The following PDE4D variants were observed in gnomAD, a reference collection of about 807,000 sequenced individuals.
PDE4D encodes the protein 3',5'-cyclic-AMP phosphodiesterase 4D.
PDE4D carries 24 observed loss-of-function variants against 87.4 expected under a neutral mutation model. That is an observed-to-expected ratio of 0.27 (90% CI 0.20 to 0.39). PDE4D has a LOEUF of 0.39. Ranked by LOEUF, PDE4D falls within the 10% of genes least tolerant of loss-of-function variation. PDE4D has a pLI of 1.00. For missense variants in PDE4D, 714 were observed against 1,041.0 expected, an observed-to-expected ratio of 0.69 and a Z score of 4.32; for synonymous variants, 384 against 383.2, an observed-to-expected ratio of 1.00 and a Z score of -0.02.
intron 5 of PDE4D, among the ~76,000 whole-genome samples, chr5:59,102,912 A>G (rs748051543): frequency 6.6e-6 from 1 of 152,208 alleles, no homozygotes; most frequent in Non-Finnish European, 1.5e-5. Flanking sequence ...TAACAGCCGA[A>G]TGTTAAGACT....
chr5:59,266,011 A>T (rs1762797767), intron 1 of PDE4D, among the ~76,000 whole-genome samples: 1 of 152,134 alleles, frequency 6.6e-6, no homozygotes, highest in South Asian at 2.1e-4. Context: ...ATAGCTCAAT[A>T]CAAATTATAA....
In PDE4D at chr5:58,988,602, C is replaced by T. The variant is rs1001417564; in HGVS notation, c.1453-10G>A. ...AATCTGTAAACACAGCCTGGAAAAT[C>T]AGACAATATAGATAATATTACTATT... On this transcript the variant is annotated splice_polypyrimidine_tract_variant and intron_variant, in intron 10 of 14. Transcript: ENST00000340635. The T allele has an allele frequency of 5.2e-6, 7 of 1,346,990 alleles. No homozygotes were observed. The African/African-American group carries it at 5.8e-5, about 11-fold the overall frequency. 83.4% of individuals were successfully genotyped at this position (1,346,990 alleles called of 1,614,324 possible).
intron 1 of PDE4D, among the ~76,000 whole-genome samples, chr5:60,336,235 A>C (rs28633417): frequency 6.6e-6 from 1 of 152,192 alleles, no homozygotes; most frequent in South Asian, 2.1e-4. Context: ...AGAAGAACCC[A>C]CTTGGAAGTT....
chr5:59,146,968 C>T (rs530766391), intron 5 of PDE4D, among the ~76,000 whole-genome samples: 17 of 152,246 alleles, frequency 1.1e-4, no homozygotes, highest in Admixed American at 5.9e-4. Flanking sequence ...AGCAGGCAAG[C>T]GAGCATTACC....
At chr5:59,180,223 T>C (rs1224869815) in intron 5 of PDE4D, 1 of 372,242 alleles carries the variant, frequency 2.7e-6, no homozygotes, top group Non-Finnish European at 5.2e-6. Flanking sequence ...ATGCCTTCAC[T>C]CTTATTAAAC....
At chr5:59,984,495 T>A (rs546014624) in intron 3 of PDE4D, among the ~76,000 whole-genome samples, 18 of 152,296 alleles carry the variant, frequency 1.2e-4, no homozygotes, top group Admixed American at 3.9e-4. Flanking sequence ...GTTTGCTAAA[T>A]CACAGCATAC....
intron 1 of PDE4D, among the ~76,000 whole-genome samples, chr5:59,532,327 G>C (rs1177564545): frequency 6.6e-6 from 1 of 152,008 alleles, no homozygotes; most frequent in South Asian, 2.1e-4. Flanking sequence ...TAGTAGAGAT[G>C]GGTTTTCACC....
chr5:60,099,920 A>G (rs1387956115), intron 2 of PDE4D, among the ~76,000 whole-genome samples: 1 of 152,146 alleles, frequency 6.6e-6, no homozygotes, highest in Admixed American at 6.6e-5. Context: ...GAAATGAGAA[A>G]TGATGTTAGT....
chr5:60,244,614 G>A (rs1747505353), intron 1 of PDE4D, among the ~76,000 whole-genome samples: 1 of 151,820 alleles, frequency 6.6e-6, no homozygotes. Context: ...ATAGACCAGT[G>A]GAATAGAATA....
At chr5:58,983,796 T>G (rs186921298) in intron 11 of PDE4D, among the ~76,000 whole-genome samples, 125 of 152,318 alleles carry the variant, frequency 8.2e-4, no homozygotes, top group Middle Eastern at 3.4e-3. Flanking sequence ...TTTGTGACAC[T>G]CTCTTGTTCT....
chr5:60,463,936 T>C lies in PDE4D; in HGVS notation c.-90+24006A>G, dbSNP rs564049281. Among the ~76,000 whole-genome samples, 7 of 152,296 alleles carry C rather than the reference T, an allele frequency of 4.6e-5. No individual in the cohort carries two copies. The South Asian group carries it at 1.5e-3, about 32-fold the overall frequency. ...CAAGTTATGAAAATTTTAGAATGGT[T>C]CCTCTTTTTTATGGACAGTCTTTAG... is the stretch of plus-strand genomic sequence containing the variant. On this transcript the variant is annotated intron_variant, in intron 1 of 16. Transcript: ENST00000502484.
intron 2 of PDE4D, among the ~76,000 whole-genome samples, chr5:60,023,534 C>T (rs533277435): frequency 1.3e-5 from 2 of 152,216 alleles, no homozygotes; most frequent in East Asian, 3.9e-4. Context: ...TTTCTTCCTG[C>T]TTCACATGCA....
intron 1 of PDE4D, among the ~76,000 whole-genome samples, chr5:59,449,281 C>T (rs1344105122): frequency 6.6e-6 from 1 of 152,076 alleles, no homozygotes; most frequent in African/African-American, 2.4e-5. Flanking sequence ...CTTGAGACAG[C>T]AAATTATTTG....
rs1742554711 is a variant in PDE4D at position 58,971,284 on chromosome 5, T to C, written c.*3380A>G. On this transcript the variant is annotated 3_prime_UTR_variant, in exon 15 of 15. Coordinates refer to ENST00000340635, the MANE Select transcript of PDE4D (RefSeq NM_001104631.2). Reference sequence around the variant, plus strand: ...TTTTATAGTTTTCTTGAATCTTCCATAAACAAGCTCTAAGGTGACAAGACT... The same window carrying C: ...TTTTATAGTTTTCTTGAATCTTCCACAAACAAGCTCTAAGGTGACAAGACT... 1 of 152,574 alleles carries C rather than the reference T, an allele frequency of 6.6e-6. No individual in the cohort carries two copies. Among genetic ancestry groups the C allele is most frequent in the African/African-American group, 2.4e-5 (1 of 41,422 alleles). 9.5% of individuals were successfully genotyped at this position (152,574 alleles called of 1,614,324 possible).
At chr5:58,977,430 A>C in intron 11 of PDE4D, 85 bp from the exon 12 acceptor site, 2 of 1,276,430 alleles carry the variant, frequency 1.6e-6, no homozygotes, top group Non-Finnish European at 2.2e-6. Context: ...TTTAGGATGT[A>C]ATTTCCCCTA....
At chr5:59,505,617 C>T (rs953476849) in intron 1 of PDE4D, among the ~76,000 whole-genome samples, 1 of 152,162 alleles carries the variant, frequency 6.6e-6, no homozygotes, top group African/African-American at 2.4e-5. Flanking sequence ...TTACATTTTG[C>T]ATATATCATT....
rs117181145 is a variant in PDE4D at position 59,743,574 on chromosome 5, A to G, written c.455+149594T>C. On this transcript the variant is annotated intron_variant, in intron 1 of 14. Transcript: ENST00000340635. ...ATATGGAGAAATTGAACCCTCGTGC[A>G]CTGTTGATAGGATTGTAAAATGGTG... is the stretch of plus-strand genomic sequence containing the variant. 1.7e-4 allele frequency among the ~76,000 whole-genome samples: 26 copies of G among 152,278 alleles called. No homozygotes were observed. The East Asian group carries it at 5.0e-3, about 29-fold the overall frequency.
chr5:59,321,000 G>T (rs1367812759), intron 1 of PDE4D, among the ~76,000 whole-genome samples: 1 of 152,034 alleles, frequency 6.6e-6, no homozygotes, highest in African/African-American at 2.4e-5. Flanking sequence ...AAAGTCGGTT[G>T]CTCTAAAGAC....
At chr5:60,245,559 C>T (rs182294563) in intron 1 of PDE4D, among the ~76,000 whole-genome samples, 15 of 151,844 alleles carry the variant, frequency 9.9e-5, no homozygotes, top group African/African-American at 2.2e-4. Flanking sequence ...ATAAAGAAAA[C>T]GGGTTACATA....
Sources: gnomAD v4.1 joint callset for allele counts (sites outside exome capture counted in the v4.1 genomes callset) on GRCh38, gnomAD v4.1.1 for gene constraint, MANE v1.5 for transcripts, NCBI Gene and HGNC (gene_info 2026-07-23, HGNC 2026-07-21) for gene names.